The following AHCTF1 variants were observed in gnomAD, a reference collection of about 807,000 sequenced individuals.
The protein encoded by AHCTF1 is AT-hook containing transcription factor 1.
AHCTF1 carries 24 observed loss-of-function variants against 248.4 expected under a neutral mutation model. The ratio of observed to expected loss-of-function variants is 0.10; its 90% CI spans 0.07 to 0.14. The LOEUF (loss-of-function observed/expected upper bound fraction) is 0.14. AHCTF1 is among the 10% of genes least tolerant of loss of function. The pLI, the probability that AHCTF1 is intolerant of heterozygous loss-of-function variation, is 1.00. For synonymous variants in AHCTF1, 786 were observed against 929.8 expected, an observed-to-expected ratio of 0.85 and a Z score of 2.81; for missense variants, 2,206 against 2,636.2, an observed-to-expected ratio of 0.84 and a Z score of 3.57.
chr1:246,897,080 G>A (rs187290811), intron 12 of AHCTF1, among the ~76,000 whole-genome samples: 23 of 152,226 alleles, frequency 1.5e-4, no homozygotes, highest in Admixed American at 2.6e-4. Context: ...TTGGGAGGCC[G>A]AGGAGGGCAG....
intron 11 of AHCTF1, 89 bp from the exon 12 acceptor site, chr1:246,898,425 A>C (rs1437981640): frequency 2.2e-6 from 3 of 1,358,736 alleles, no homozygotes; most frequent in Admixed American, 2.3e-5. Flanking sequence ...AAATTTAAGT[A>C]AAATTTAAAG....
intron 8 of AHCTF1, among the ~76,000 whole-genome samples, chr1:246,901,601 G>A (rs1260097923): frequency 3.9e-5 from 6 of 152,028 alleles, no homozygotes; most frequent in African/African-American, 1.2e-4. Context: ...TGGACAGAGC[G>A]AGACTCCATC....
intron 29 of AHCTF1, among the ~76,000 whole-genome samples, chr1:246,858,378 C>T (rs539635710): frequency 3.3e-5 from 5 of 152,148 alleles, no homozygotes; most frequent in Non-Finnish European, 7.4e-5. Flanking sequence ...CTTACTTAAT[C>T]CTCAACATTC....
At chr1:246,911,480 T>A (rs574443710) in intron 4 of AHCTF1, among the ~76,000 whole-genome samples, 1 of 40,676 alleles carries the variant, frequency 2.5e-5, no homozygotes, top group Non-Finnish European at 4.6e-5. Context: ...ATGAAGATTC[T>A]TTTTTTTTTT....
At chr1:246,866,342 T>C (rs1331592722) in intron 26 of AHCTF1, among the ~76,000 whole-genome samples, 3 of 152,074 alleles carry the variant, frequency 2.0e-5, no homozygotes, top group Non-Finnish European at 4.4e-5. Context: ...ATCCGAACTA[T>C]TGGTAGAAAA....
intron 3 of AHCTF1, among the ~76,000 whole-genome samples, 167 bp from the exon 4 acceptor site, chr1:246,913,579 A>G (rs1665951544): frequency 6.6e-6 from 1 of 152,240 alleles, no homozygotes; most frequent in Non-Finnish European, 1.5e-5. Flanking sequence ...CAGCTATACT[A>G]GGAATTACAC....
intron 12 of AHCTF1, among the ~76,000 whole-genome samples, chr1:246,896,406 C>T (rs2103155990): frequency 6.6e-6 from 1 of 152,288 alleles, no homozygotes; most frequent in East Asian, 1.9e-4. Flanking sequence ...CTGATACTTG[C>T]TATAATACAG....
rs1384120162 is a variant in AHCTF1, at chr1:246,904,048, AACGAAGAC to A, written c.882-23_882-16del. 4 of 1,605,116 alleles carry A rather than the reference AACGAAGAC, an allele frequency of 2.5e-6. No individual in the cohort carries two copies. Among genetic ancestry groups the A allele is most frequent in the Non-Finnish European group, 3.4e-6 (4 of 1,171,992 alleles). ...CATCCCCTTCACTGAAACAGAAATT[AACGAAGAC>A]ACGCTAAATATATTAATACATTAAA... is the stretch of plus-strand genomic sequence containing the variant. On this transcript the variant is annotated splice_polypyrimidine_tract_variant and intron_variant, in intron 6 of 35. Transcript: ENST00000648844.
chr1:246,853,493 C>T (rs2103048988), intron 31 of AHCTF1, among the ~76,000 whole-genome samples, 194 bp from the exon 32 acceptor site: 1 of 152,274 alleles, frequency 6.6e-6, no homozygotes, highest in African/African-American at 2.4e-5. Context: ...AGGTAAATTT[C>T]ACATTTAAAA....
intron 8 of AHCTF1, 124 bp downstream of exon 8, chr1:246,902,401 A>G: frequency 4.9e-6 from 6 of 1,229,710 alleles, no homozygotes; most frequent in Middle Eastern, 2.9e-4. Flanking sequence ...ATAGAACTGA[A>G]TAAATTCCGT....
rs73142239 is a variant in AHCTF1, at chr1:246,858,495, T to C, written c.4133-681A>G. Reference sequence around the variant, plus strand: ...CTAGGATTCAAATCTAGCTTCACTATAGAGTTTGTGTTGTATGAAACCCCA... The same window carrying C: ...CTAGGATTCAAATCTAGCTTCACTACAGAGTTTGTGTTGTATGAAACCCCA... On this transcript the variant is annotated intron_variant, in intron 29 of 35. Coordinates refer to ENST00000648844, the MANE Select transcript of AHCTF1 (RefSeq NM_001323342.2). Among the ~76,000 whole-genome samples the C allele has an allele frequency of 5.7e-3, 869 of 152,306 alleles. 11 individuals are homozygous for C. The highest frequency in any genetic ancestry group is 0.02 in the African/African-American group (824 of 41,570).
At chr1:246,889,044 C>G (rs889099433) in intron 17 of AHCTF1, among the ~76,000 whole-genome samples, 1 of 152,114 alleles carries the variant, frequency 6.6e-6, no homozygotes, top group African/African-American at 2.4e-5. Context: ...AGGTGAGGTC[C>G]CCATGTGGTC....
chr1:246,896,840 A>C (rs191798900), intron 12 of AHCTF1, among the ~76,000 whole-genome samples: 4 of 152,218 alleles, frequency 2.6e-5, no homozygotes, highest in Admixed American at 6.5e-5. Flanking sequence ...GAATCCCATG[A>C]ATGTAAGTTG....
intron 19 of AHCTF1, 151 bp downstream of exon 19, chr1:246,888,026 A>T (rs549214030): frequency 2.5e-6 from 2 of 802,874 alleles, no homozygotes; most frequent in South Asian, 1.9e-5. Flanking sequence ...AGGCCATCTG[A>T]GCCCAAACAA....
Position 246,930,024 on chromosome 1 carries a change from C to G in AHCTF1, c.-8+1554G>C, listed in dbSNP as rs562037432. 3.3e-5 allele frequency among the ~76,000 whole-genome samples: 5 copies of G among 150,684 alleles called. No individual in the cohort carries two copies. The East Asian group carries it at 7.8e-4, about 23-fold the overall frequency. Reference sequence around the variant, plus strand: ...CCAAGATTGTGCCACTGCACTCCAGCCTGGGCAACAGAGCAAGACCCCGTC... The same window carrying G: ...CCAAGATTGTGCCACTGCACTCCAGGCTGGGCAACAGAGCAAGACCCCGTC... On this transcript the variant is annotated intron_variant, in intron 1 of 35. Transcript: ENST00000648844.
At chr1:246,883,162 G>A (rs575934055) in intron 21 of AHCTF1, among the ~76,000 whole-genome samples, 10 of 152,326 alleles carry the variant, frequency 6.6e-5, no homozygotes, top group Admixed American at 1.3e-4. Flanking sequence ...TCCGGGGAGA[G>A]TGTTAGTGTT....
chr1:246,900,493 A>G, intron 8 of AHCTF1, 24 bp from the exon 9 acceptor site: 1 of 1,577,138 alleles, frequency 6.3e-7, no homozygotes, highest in Non-Finnish European at 8.5e-7. Context: ...ATAATTTTTA[A>G]AAACAGAATA....
intron 31 of AHCTF1, among the ~76,000 whole-genome samples, chr1:246,854,545 C>CCTGA (rs1378950873): frequency 3.3e-5 from 5 of 152,006 alleles, no homozygotes; most frequent in African/African-American, 9.7e-5. Flanking sequence ...AATCTATATT[C>CCTGA]CTGACAGAAA....
chr1:246,915,872 T>G (rs1189308835), intron 3 of AHCTF1, among the ~76,000 whole-genome samples: 1 of 152,194 alleles, frequency 6.6e-6, no homozygotes, highest in Non-Finnish European at 1.5e-5. Context: ...AAAAAGAGTA[T>G]CAGAACATTA....
Sources: gnomAD v4.1 joint callset for allele counts (sites outside exome capture counted in the v4.1 genomes callset) on GRCh38, gnomAD v4.1.1 for gene constraint, MANE v1.5 for transcripts, NCBI Gene and HGNC (gene_info 2026-07-23, HGNC 2026-07-21) for gene names.